The following MICU1 variants were observed in gnomAD, a reference collection of about 807,000 sequenced individuals.
MICU1 encodes the protein calcium uptake protein 1, mitochondrial.
MICU1 carries 45 observed loss-of-function variants against 56.8 expected under a neutral mutation model. The ratio of observed to expected loss-of-function variants is 0.79; its 90% CI spans 0.62 to 1.02. The LOEUF (loss-of-function observed/expected upper bound fraction) is 1.02. Ranked by LOEUF, MICU1 falls within the 50% of genes least tolerant of loss-of-function variation. The pLI is 0.00. For synonymous variants in MICU1, 186 were observed against 195.1 expected (o/e 0.95, Z 0.39); for missense variants, 504 against 587.1 (o/e 0.86, Z 1.46).
intron 5 of MICU1, 60 bp downstream of exon 5, chr10:72,533,686 C>G: frequency 2.4e-6 from 3 of 1,272,912 alleles, no homozygotes; most frequent in Non-Finnish European, 3.3e-6. Context: ...TATAGAGGAA[C>G]TTAAAAATCT....
chr10:72,496,279 G>A (rs956008822), intron 6 of MICU1, among the ~76,000 whole-genome samples: 3 of 149,556 alleles, frequency 2.0e-5, no homozygotes, highest in African/African-American at 7.4e-5. Flanking sequence ...ATAGGCATGT[G>A]CCACCACGCC....
chr10:72,433,621 C>T (rs918956259), intron 8 of MICU1, among the ~76,000 whole-genome samples: 41 of 151,474 alleles, frequency 2.7e-4, no homozygotes, highest in African/African-American at 9.0e-4. Flanking sequence ...GTAAAGACAG[C>T]GTTTCACCAT....
intron 8 of MICU1, among the ~76,000 whole-genome samples, chr10:72,431,424 C>T (rs1382292905): frequency 6.6e-6 from 1 of 152,158 alleles, no homozygotes; most frequent in Non-Finnish European, 1.5e-5. Flanking sequence ...GCCATCGTGC[C>T]CAGCTTCTAC....
chr10:72,400,629 C>T (rs1034525491), intron 10 of MICU1, among the ~76,000 whole-genome samples: 9 of 151,856 alleles, frequency 5.9e-5, no homozygotes, highest in African/African-American at 2.2e-4. Flanking sequence ...ACCTGTAATC[C>T]CAGCTACTTG....
intron 1 of MICU1, among the ~76,000 whole-genome samples, chr10:72,590,083 A>G (rs1194720009): frequency 2.0e-5 from 3 of 152,148 alleles, no homozygotes; most frequent in Non-Finnish European, 2.9e-5. Context: ...TAAATGGATC[A>G]AGCTCTCCAA....
intron 1 of MICU1, among the ~76,000 whole-genome samples, chr10:72,573,066 G>C (rs998475900): frequency 2.0e-5 from 3 of 151,968 alleles, no homozygotes; most frequent in African/African-American, 4.8e-5. Flanking sequence ...TGTTCACCAA[G>C]AGAGATTGGT....
chr10:72,568,549 C>A (rs1229052451), intron 1 of MICU1, among the ~76,000 whole-genome samples: 2 of 152,064 alleles, frequency 1.3e-5, no homozygotes, highest in Non-Finnish European at 2.9e-5. Flanking sequence ...TTCAAACTGG[C>A]ATCCATAATG....
intron 10 of MICU1, among the ~76,000 whole-genome samples, chr10:72,383,504 C>A (rs1315899543): frequency 1.3e-5 from 2 of 152,190 alleles, no homozygotes; most frequent in African/African-American, 4.8e-5. Flanking sequence ...AACAACATAT[C>A]TTAGAAATAA....
At chr10:72,484,010 T>G (rs531296257) in intron 6 of MICU1, among the ~76,000 whole-genome samples, 2 of 152,342 alleles carry the variant, frequency 1.3e-5, no homozygotes, top group Admixed American at 1.3e-4. Flanking sequence ...ATACCATAAG[T>G]TTTAGTTTCA....
chr10:72,368,316 A>G lies in MICU1; in HGVS notation c.1310T>C (p.Met437Thr). ...ELSNKEFVSI[M>T]KQRLMRGLEK... ...CAGGCCTCTCATCAGCCGTTGCTTC[A>G]TGATGGAAACAAATTCCTTATTGCT... The change falls in exon 12 of 12, where the codon ATG becomes ACG. Residue 437 changes from methionine to threonine, a missense_variant. Transcript: ENST00000361114. 1.2e-6 allele frequency: 2 copies of G among 1,614,024 alleles called. No homozygotes were observed. The highest frequency in any genetic ancestry group is 1.7e-6 in the Non-Finnish European group (2 of 1,179,872).
chr10:72,580,342 C>T (rs1840864169), intron 1 of MICU1, among the ~76,000 whole-genome samples: 1 of 152,076 alleles, frequency 6.6e-6, no homozygotes, highest in African/African-American at 2.4e-5. Flanking sequence ...CTCTACTCAC[C>T]CAAAAAAGGT....
chr10:72,484,354 C>A (rs536179707), intron 6 of MICU1, among the ~76,000 whole-genome samples: 4 of 151,676 alleles, frequency 2.6e-5, no homozygotes, highest in African/African-American at 9.7e-5. Flanking sequence ...TAGCTCTGCT[C>A]CTTTAACACA....
chr10:72,494,130 A>G (rs943538555), intron 6 of MICU1, among the ~76,000 whole-genome samples: 1 of 152,078 alleles, frequency 6.6e-6, no homozygotes, highest in Non-Finnish European at 1.5e-5. Context: ...TTTACCTCAT[A>G]CAGTTTTGGG....
chr10:72,561,727 C>T (rs1456279193), intron 3 of MICU1, among the ~76,000 whole-genome samples: 1 of 152,144 alleles, frequency 6.6e-6, no homozygotes, highest in African/African-American at 2.4e-5. Flanking sequence ...AGGAGAATCG[C>T]TTGAACCCAG....
intron 10 of MICU1, among the ~76,000 whole-genome samples, chr10:72,403,217 G>C (rs968268173): frequency 6.6e-6 from 1 of 151,928 alleles, no homozygotes; most frequent in African/African-American, 2.4e-5. Flanking sequence ...ACCATTAGCC[G>C]GGTGTGGTGG....
intron 6 of MICU1, among the ~76,000 whole-genome samples, chr10:72,486,321 A>G (rs553119664): frequency 6.6e-6 from 1 of 152,338 alleles, no homozygotes; most frequent in South Asian, 2.1e-4. Flanking sequence ...CTTTAGGACT[A>G]GCACAATACA....
At chr10:72,545,794 T>C (rs1839880695) in intron 4 of MICU1, among the ~76,000 whole-genome samples, 1 of 152,196 alleles carries the variant, frequency 6.6e-6, no homozygotes. Flanking sequence ...AAGAGACAGG[T>C]TTGCAGGGCC....
In MICU1 at chr10:72,367,938, G is replaced by A. The variant is rs1281744585; in HGVS notation, c.*257C>T. The A allele has an allele frequency of 2.4e-6, 1 of 415,458 alleles. No individual in the cohort carries two copies. The highest frequency in any genetic ancestry group is 4.3e-6 in the Non-Finnish European group (1 of 231,022). 25.7% of individuals were successfully genotyped at this position (415,458 alleles called of 1,614,324 possible). On this transcript the variant is annotated 3_prime_UTR_variant, in exon 12 of 12. Transcript: ENST00000361114. ...GGATGCTTGAATGGGTGGTGCTGTT[G>A]AGGCTGACAAATGTCTGAGCTTTAC... is the stretch of plus-strand genomic sequence containing the variant.
chr10:72,403,670 T>TGTGTGTGC (rs1554862082), intron 10 of MICU1, among the ~76,000 whole-genome samples: 5 of 149,710 alleles, frequency 3.3e-5, no homozygotes, highest in East Asian at 3.9e-4. Flanking sequence ...TGTGTGTGTG[T>TGTGTGTGC]TTTGAGACGG....
Sources: gnomAD v4.1 joint callset for allele counts (sites outside exome capture counted in the v4.1 genomes callset) on GRCh38, gnomAD v4.1.1 for gene constraint, MANE v1.5 for transcripts, NCBI Gene and HGNC (gene_info 2026-07-23, HGNC 2026-07-21) for gene names.